Variants in NRG3 observed in about 807,000 individuals in gnomAD.
NRG3 encodes the protein neuregulin 3, also known as pro-neuregulin-3, membrane-bound isoform.
NRG3 carries 31 observed loss-of-function variants against 66.9 expected under a neutral mutation model. That is an observed-to-expected ratio of 0.46 (90% CI 0.35 to 0.63). The LOEUF is 0.63. Ranked by LOEUF, NRG3 falls within the 20% of genes least tolerant of loss-of-function variation. The probability of loss-of-function intolerance (pLI) is 0.00; values close to 1 mark genes in which losing one functional copy is unlikely to be tolerated. For synonymous variants in NRG3, 393 were observed against 359.4 expected, an observed-to-expected ratio of 1.09 and a Z score of -1.06; for missense variants, 910 against 878.9, an observed-to-expected ratio of 1.04 and a Z score of -0.45.
chr10:82,754,223 TG>T (rs1452450389), intron 3 of NRG3, among the ~76,000 whole-genome samples: 1 of 151,674 alleles, frequency 6.6e-6, no homozygotes, highest in Admixed American at 6.6e-5. Context: ...CACATTTATT[TG>T]GTTCTATTTC....
At chr10:82,269,519 C>A (rs1288402806) in intron 1 of NRG3, among the ~76,000 whole-genome samples, 1 of 152,146 alleles carries the variant, frequency 6.6e-6, no homozygotes, top group Non-Finnish European at 1.5e-5. Flanking sequence ...ACTCACTGAT[C>A]ATCTCCATCT....
At chr10:82,393,342 G>A (rs1215989088) in intron 2 of NRG3, among the ~76,000 whole-genome samples, 1 of 152,116 alleles carries the variant, frequency 6.6e-6, no homozygotes, top group African/African-American at 2.4e-5. Context: ...GAGGAGACAG[G>A]TGCATCCGTA....
At chr10:82,432,277 A>G (rs1210396416) in intron 2 of NRG3, among the ~76,000 whole-genome samples, 2 of 152,144 alleles carry the variant, frequency 1.3e-5, no homozygotes, top group East Asian at 1.9e-4. Flanking sequence ...CCTCCTCTCA[A>G]ACAGTCTACC....
chr10:82,260,815 C>T (rs2077985832), intron 1 of NRG3, among the ~76,000 whole-genome samples: 1 of 152,168 alleles, frequency 6.6e-6, no homozygotes, highest in African/African-American at 2.4e-5. Flanking sequence ...TTAGGTGCTA[C>T]ATGATGTTGT....
At chr10:82,563,620 T>A (rs1399895603) in intron 2 of NRG3, among the ~76,000 whole-genome samples, 1 of 152,018 alleles carries the variant, frequency 6.6e-6, no homozygotes, top group Non-Finnish European at 1.5e-5. Context: ...ATATATGTGA[T>A]ATGTTTCACA....
At chr10:82,782,016 C>A (rs1447844113) in intron 3 of NRG3, among the ~76,000 whole-genome samples, 1 of 152,126 alleles carries the variant, frequency 6.6e-6, no homozygotes, top group Non-Finnish European at 1.5e-5. Flanking sequence ...TTGAGAAGCA[C>A]TTTCAGATTT....
chr10:82,759,874 G>A (rs1033574609), intron 3 of NRG3, among the ~76,000 whole-genome samples: 20 of 152,110 alleles, frequency 1.3e-4, no homozygotes, highest in South Asian at 8.3e-4. Context: ...AAGAAACAGC[G>A]GAAGGAAGGA....
At chr10:82,599,186 G>A (rs2047466982) in intron 2 of NRG3, among the ~76,000 whole-genome samples, 1 of 152,196 alleles carries the variant, frequency 6.6e-6, no homozygotes, top group Non-Finnish European at 1.5e-5. Flanking sequence ...GGCTACAGAA[G>A]GAGACAAGGC....
chr10:82,021,241 T>C (rs1428944227), intron 1 of NRG3, among the ~76,000 whole-genome samples: 2 of 152,046 alleles, frequency 1.3e-5, no homozygotes, highest in South Asian at 2.1e-4. Context: ...GATGAGCTCT[T>C]ACAGCATGGT....
intron 4 of NRG3, among the ~76,000 whole-genome samples, chr10:82,889,107 C>T (rs1231764524): frequency 1.3e-5 from 2 of 151,888 alleles, no homozygotes; most frequent in Non-Finnish European, 2.9e-5. Context: ...TGACAAAACT[C>T]GGTATTAGAG....
At chr10:82,581,676 T>C (rs1002137204) in intron 2 of NRG3, among the ~76,000 whole-genome samples, 17 of 151,998 alleles carry the variant, frequency 1.1e-4, no homozygotes, top group African/African-American at 3.9e-4. Flanking sequence ...AATGTTATTA[T>C]TGTATTTAAT....
chr10:82,090,344 G>T (rs1403682373), intron 1 of NRG3, among the ~76,000 whole-genome samples: 1 of 152,188 alleles, frequency 6.6e-6, no homozygotes, highest in Non-Finnish European at 1.5e-5. Flanking sequence ...CTATCAGAAA[G>T]TTCTCCTGTG....
intron 3 of NRG3, among the ~76,000 whole-genome samples, chr10:82,768,704 A>G (rs1310720943): frequency 6.6e-6 from 1 of 152,136 alleles, no homozygotes; most frequent in African/African-American, 2.4e-5. Flanking sequence ...ATGATATAAA[A>G]TATCTCACTT....
chr10:82,657,293 T>C (rs1487718720), intron 2 of NRG3, among the ~76,000 whole-genome samples: 2 of 152,202 alleles, frequency 1.3e-5, no homozygotes, highest in Non-Finnish European at 2.9e-5. Flanking sequence ...TGTTTTGTTT[T>C]CCATTTTGAT....
chr10:82,150,320 C>T (rs1373466463), intron 1 of NRG3, among the ~76,000 whole-genome samples: 1 of 151,980 alleles, frequency 6.6e-6, no homozygotes, highest in Non-Finnish European at 1.5e-5. Context: ...GGCGCTCCTG[C>T]CCAGCTGATA....
At chr10:82,127,283 A>T (rs2068508214) in intron 1 of NRG3, among the ~76,000 whole-genome samples, 1 of 152,122 alleles carries the variant, frequency 6.6e-6, no homozygotes, top group South Asian at 2.1e-4. Flanking sequence ...ATGTGAAGTT[A>T]GTAGTGGAAT....
chr10:82,315,751 C>T (rs887510819), intron 1 of NRG3, among the ~76,000 whole-genome samples: 4 of 151,592 alleles, frequency 2.6e-5, no homozygotes, highest in East Asian at 2.0e-4. Context: ...CTGCAACCTC[C>T]GTCTCCTGGG....
At chr10:82,299,190 T>A (rs1248370210) in intron 1 of NRG3, among the ~76,000 whole-genome samples, 1 of 152,116 alleles carries the variant, frequency 6.6e-6, no homozygotes, top group East Asian at 1.9e-4. Flanking sequence ...GAAGAGTGGC[T>A]GAGTCAAGGA....
intron 2 of NRG3, among the ~76,000 whole-genome samples, chr10:82,475,125 A>G (rs1179662167): frequency 6.6e-6 from 1 of 152,038 alleles, no homozygotes; most frequent in Admixed American, 6.5e-5. Context: ...CACAAAATAG[A>G]GAACAGAAAA....
Sources: allele counts gnomAD v4.1 joint callset (sites outside exome capture counted in the v4.1 genomes callset), GRCh38; gene constraint gnomAD v4.1.1; transcripts MANE v1.5; gene names NCBI Gene and HGNC (gene_info 2026-07-23, HGNC 2026-07-21).